The following TENM4 variants were observed in gnomAD, a reference collection of about 807,000 sequenced individuals.
The protein encoded by TENM4 is teneurin transmembrane protein 4, also known as teneurin-4.
Under a neutral mutation model 243.3 loss-of-function variants are expected in TENM4, and 82 were observed. That is an observed-to-expected ratio of 0.34 (90% CI 0.28 to 0.40). TENM4 has a LOEUF of 0.40. TENM4 is among the 10% of genes least tolerant of loss of function. The pLI is 1.00. For synonymous variants in TENM4, 1,412 were observed against 1,456.3 expected, an observed-to-expected ratio of 0.97 and a Z score of 0.69; for missense variants, 3,138 against 3,673.3, an observed-to-expected ratio of 0.85 and a Z score of 3.77.
At chr11:79,418,473 G>A (rs1179740385) in intron 1 of TENM4, among the ~76,000 whole-genome samples, 1 of 152,216 alleles carries the variant, frequency 6.6e-6, no homozygotes, top group Non-Finnish European at 1.5e-5. Context: ...TGGCTTACAA[G>A]CTGGCTCTAA....
chr11:79,038,049 C>T (rs1324950259), intron 6 of TENM4, among the ~76,000 whole-genome samples: 1 of 152,300 alleles, frequency 6.6e-6, no homozygotes, highest in Non-Finnish European at 1.5e-5. Context: ...CCATCCTACC[C>T]AGAGGTCCTG....
At chr11:79,010,708 C>G (rs1242719564) in intron 6 of TENM4, among the ~76,000 whole-genome samples, 1 of 152,124 alleles carries the variant, frequency 6.6e-6, no homozygotes, top group Admixed American at 6.5e-5. Flanking sequence ...GAAAGACCTG[C>G]CCCCATGATT....
At chr11:78,888,829 C>T (rs1286130625) in intron 9 of TENM4, among the ~76,000 whole-genome samples, 1 of 152,172 alleles carries the variant, frequency 6.6e-6, no homozygotes, top group Non-Finnish European at 1.5e-5. Context: ...GGGTTCGAGG[C>T]CTTCTCAAGC....
Position 78,658,391 on chromosome 11 carries a change from C to G in TENM4, c.7977G>C (p.Arg2659Ser). ...GCTGGATGTCTGTGTAGCGTCTAGT[C>G]CTGCCATTAAGTACTGTGTTGATCT... ...VSQINTVLNG[R>S]TRRYTDIQLQ... Residue 2659 changes from arginine to serine, a missense_variant, in exon 34 of 34, where the codon AGG becomes AGC. Arg to Ser is a moderately radical substitution (Grantham distance 110, BLOSUM62 -1). Coordinates refer to ENST00000278550, the MANE Select transcript of TENM4 (RefSeq NM_001098816.3). The G allele has an allele frequency of 6.2e-7, 1 of 1,614,070 alleles. No homozygotes were observed. Among genetic ancestry groups the G allele is most frequent in the Non-Finnish European group, 8.5e-7 (1 of 1,179,908 alleles).
intron 6 of TENM4, among the ~76,000 whole-genome samples, chr11:78,912,395 C>T (rs1200121224): frequency 1.3e-5 from 2 of 152,140 alleles, no homozygotes; most frequent in East Asian, 3.9e-4. Flanking sequence ...GTTGGGATTA[C>T]AGCCGCACGC....
chr11:79,224,284 G>T (rs1369674000), intron 2 of TENM4, among the ~76,000 whole-genome samples: 1 of 152,206 alleles, frequency 6.6e-6, no homozygotes, highest in Non-Finnish European at 1.5e-5. Context: ...TCATTGATTG[G>T]TTCAGGGCTG....
chr11:78,699,366 C>T (rs934502956), intron 28 of TENM4, among the ~76,000 whole-genome samples: 1 of 152,204 alleles, frequency 6.6e-6, no homozygotes, highest in Non-Finnish European at 1.5e-5. Flanking sequence ...GCTACATACT[C>T]ACTGTGTGGT....
At chr11:79,430,459 G>A (rs1859144211) in intron 1 of TENM4, among the ~76,000 whole-genome samples, 1 of 152,200 alleles carries the variant, frequency 6.6e-6, no homozygotes, top group Non-Finnish European at 1.5e-5. Flanking sequence ...GGGTCATGTT[G>A]AGTAACCACC....
At position 78,889,801 on chromosome 11, in the gene TENM4, C is replaced by T; in HGVS notation, c.1068G>A (p.Leu356=). 1 of 1,552,094 alleles carries T rather than the reference C, an allele frequency of 6.4e-7. No homozygotes were observed. Among genetic ancestry groups the T allele is most frequent in the Non-Finnish European group, 8.7e-7 (1 of 1,147,076 alleles). The part of the protein sequence containing the change: ...AIVISATLVI[L]LAYFVAMHLF... ...GGTGCTTACCCACAAAGTATGCCAG[C>T]AGGATGACCAGAGTGGCTGAGATGA... The change falls in exon 9 of 34, where the codon CTG becomes CTA. Residue 356 remains leucine (L), a synonymous_variant. Coordinates refer to ENST00000278550, the MANE Select transcript of TENM4 (RefSeq NM_001098816.3).
At chr11:78,738,685 T>A in intron 19 of TENM4, 115 bp from the exon 20 acceptor site, 1 of 1,048,012 alleles carries the variant, frequency 9.5e-7, no homozygotes, top group Non-Finnish European at 1.4e-6. Context: ...ACACATCTTG[T>A]ACCCAGGGGT....
Position 78,702,030 on chromosome 11 carries a change from T to C in TENM4, c.4583A>G (p.Asp1528Gly), listed in dbSNP as rs1361219152. ...DANCDCFSGD[D>G]GYAKDAKLNT... ...TAACTTTGCATCCTTGGCATAACCATCGTCTCCAGAAAAACAATCACAGTT... is the reference window on the plus strand; with the variant it reads ...TAACTTTGCATCCTTGGCATAACCACCGTCTCCAGAAAAACAATCACAGTT... The change falls in exon 28 of 34, where the codon GAT (aspartate) becomes GGT (glycine). Residue 1528 changes from aspartate (D) to glycine (G), a missense_variant. By Grantham distance (94) the Asp-to-Gly change is moderately conservative. Transcript: ENST00000278550. The C allele has an allele frequency of 6.2e-7, 1 of 1,613,704 alleles. No homozygotes were observed. Among genetic ancestry groups the C allele is most frequent in the Non-Finnish European group, 8.5e-7 (1 of 1,179,796 alleles).
chr11:78,980,379 T>TGGTAA (rs1857764348), intron 6 of TENM4, among the ~76,000 whole-genome samples: 1 of 152,200 alleles, frequency 6.6e-6, no homozygotes, highest in South Asian at 2.1e-4. Context: ...ACATAGCCAC[T>TGGTAA]GGTAAGGCGA....
chr11:79,307,195 T>C (rs1856640383), intron 1 of TENM4, among the ~76,000 whole-genome samples: 2 of 152,106 alleles, frequency 1.3e-5, no homozygotes, highest in Non-Finnish European at 2.9e-5. Context: ...AGAGAGGCAA[T>C]GTGAATTGCC....
intron 1 of TENM4, chr11:79,402,128 G>A: frequency 2.8e-6 from 1 of 356,660 alleles, no homozygotes; most frequent in Non-Finnish European, 6.6e-6. Flanking sequence ...ACACACAGCA[G>A]TCCCTCGCCA....
intron 4 of TENM4, among the ~76,000 whole-genome samples, chr11:79,133,547 A>G (rs528429828): frequency 2.1e-4 from 32 of 152,286 alleles, no homozygotes; most frequent in Non-Finnish European, 1.3e-4. Context: ...GGACATAACC[A>G]AAAAAGAAAA....
chr11:79,374,127 A>T (rs1208986726), intron 1 of TENM4, among the ~76,000 whole-genome samples: 3 of 152,208 alleles, frequency 2.0e-5, no homozygotes, highest in Non-Finnish European at 4.4e-5. Context: ...TCATCTGATG[A>T]TTTACCAAGA....
chr11:78,827,139 TCTAA>T (rs1353021965), intron 12 of TENM4, among the ~76,000 whole-genome samples: 2 of 152,256 alleles, frequency 1.3e-5, no homozygotes, highest in African/African-American at 4.8e-5. Flanking sequence ...ATTTGCTATA[TCTAA>T]CTATATTTTT....
At position 79,211,958 on chromosome 11, in the gene TENM4, C is replaced by T. The variant is rs115654009; in HGVS notation, c.-163+3850G>A. Among the ~76,000 whole-genome samples, 717 of 152,246 alleles carry T rather than the reference C, an allele frequency of 4.7e-3. 5 individuals carry two copies. The highest frequency in any genetic ancestry group is 0.016 in the African/African-American group (647 of 41,548). ...CAGCCTCCTCAGGCAGCAATTTCTG[C>T]CCATGACTGGGATCCATTTTGAGTT... On this transcript the variant is annotated intron_variant, in intron 3 of 33. Coordinates refer to ENST00000278550, the MANE Select transcript of TENM4 (RefSeq NM_001098816.3).
intron 18 of TENM4, among the ~76,000 whole-genome samples, chr11:78,767,572 C>T (rs2135985425): frequency 6.6e-6 from 1 of 152,316 alleles, no homozygotes; most frequent in Non-Finnish European, 1.5e-5. Context: ...TGTCACCTCT[C>T]CTCTCTGGGC....
Sources: allele counts gnomAD v4.1 joint callset (sites outside exome capture counted in the v4.1 genomes callset), GRCh38; gene constraint gnomAD v4.1.1; transcripts MANE v1.5; gene names NCBI Gene and HGNC (gene_info 2026-07-23, HGNC 2026-07-21).